Variants in NDST4 observed in about 807,000 individuals in gnomAD.
The protein encoded by NDST4 is N-heparan sulfate sulfotransferase 4.
In NDST4, 63 loss-of-function variants were observed where a neutral mutation model predicts 100.8. The observed-to-expected ratio is 0.62, with a 90% CI of 0.51 to 0.77. The LOEUF (loss-of-function observed/expected upper bound fraction) is 0.77. NDST4 is among the 30% of genes least tolerant of loss of function. The pLI is 0.00. For synonymous variants in NDST4, 377 were observed against 361.8 expected, an observed-to-expected ratio of 1.04 and a Z score of -0.48; for missense variants, 943 against 1,018.4, an observed-to-expected ratio of 0.93 and a Z score of 1.01.
chr4:114,931,551 T>C (rs887691354), intron 6 of NDST4, among the ~76,000 whole-genome samples: 8 of 151,286 alleles, frequency 5.3e-5, no homozygotes, highest in African/African-American at 1.9e-4. Flanking sequence ...AAATAGAAAA[T>C]ATCAATGAAA....
intron 12 of NDST4, among the ~76,000 whole-genome samples, chr4:114,832,828 T>C (rs1035129417): frequency 1.3e-5 from 2 of 152,082 alleles, no homozygotes; most frequent in African/African-American, 4.8e-5. Flanking sequence ...CACCACAAGG[T>C]GAGAAAGCCA....
At chr4:114,980,602 A>G (rs1726745336) in intron 2 of NDST4, among the ~76,000 whole-genome samples, 1 of 152,190 alleles carries the variant, frequency 6.6e-6, no homozygotes, top group Non-Finnish European at 1.5e-5. Context: ...AGATTGCGCA[A>G]TGGCACTCCA....
chr4:114,916,568 G>T (rs1484864003), intron 6 of NDST4, among the ~76,000 whole-genome samples: 3 of 148,752 alleles, frequency 2.0e-5, no homozygotes, highest in African/African-American at 7.4e-5. Flanking sequence ...GTGTGTGTGT[G>T]TGTGTGTGTG....
intron 4 of NDST4, among the ~76,000 whole-genome samples, chr4:114,951,896 T>C (rs1725997316): frequency 6.6e-6 from 1 of 152,140 alleles, no homozygotes; most frequent in Non-Finnish European, 1.5e-5. Context: ...TTGTATTTTG[T>C]GCACAGACCA....
intron 6 of NDST4, among the ~76,000 whole-genome samples, chr4:114,889,459 C>T (rs1244235256): frequency 6.6e-6 from 1 of 152,130 alleles, no homozygotes; most frequent in Non-Finnish European, 1.5e-5. Flanking sequence ...AGACCATGAT[C>T]ATAAAGTCTG....
chr4:115,017,157 A>G (rs778842250), intron 2 of NDST4, among the ~76,000 whole-genome samples: 2 of 152,104 alleles, frequency 1.3e-5, no homozygotes, highest in Non-Finnish European at 1.5e-5. Context: ...TCATTCAAAC[A>G]GAATGCACAT....
In NDST4 at chr4:114,935,281, T is replaced by C. The variant is rs942735770; in HGVS notation, c.1461A>G (p.Glu487=). The change falls in exon 6 of 14, where the codon GAA becomes GAG. Residue 487 remains glutamate, a synonymous_variant. Transcript: ENST00000264363. ...GLFTHTIFYK[E]YPGGPQELDK... is the part of the protein sequence containing the mutation. Reference sequence around the variant, plus strand: ...CCAGTTCTTGGGGTCCTCCTGGATATTCTTTGTAGAAAATAGTGTGAGTGA... The same window carrying C: ...CCAGTTCTTGGGGTCCTCCTGGATACTCTTTGTAGAAAATAGTGTGAGTGA... The C allele has an allele frequency of 2.5e-6, 4 of 1,611,112 alleles. No homozygotes were observed. Among genetic ancestry groups the C allele is most frequent in the Non-Finnish European group, 8.5e-7 (1 of 1,178,670 alleles).
chr4:114,925,937 G>A (rs1317849969), intron 6 of NDST4, among the ~76,000 whole-genome samples: 1 of 152,072 alleles, frequency 6.6e-6, no homozygotes, highest in Non-Finnish European at 1.5e-5. Flanking sequence ...ACTTATTGTG[G>A]AAACCATCTG....
chr4:114,907,240 A>G (rs1201987114), intron 6 of NDST4, among the ~76,000 whole-genome samples: 1 of 152,008 alleles, frequency 6.6e-6, no homozygotes, highest in African/African-American at 2.4e-5. Context: ...TTCACTGTAG[A>G]TGGAGAAAAT....
chr4:114,876,012 C>T (rs76247688), intron 6 of NDST4, among the ~76,000 whole-genome samples: 4 of 152,086 alleles, frequency 2.6e-5, no homozygotes, highest in Admixed American at 2.0e-4. Flanking sequence ...GGTACTTAGT[C>T]CTGTGCCTTA....
chr4:115,046,643 T>G (rs981244134), intron 2 of NDST4, among the ~76,000 whole-genome samples: 1 of 152,058 alleles, frequency 6.6e-6, no homozygotes, highest in African/African-American at 2.4e-5. Flanking sequence ...GTGTATCAGA[T>G]AGATGATAAG....
At chr4:114,848,141 C>T (rs1237160156) in intron 9 of NDST4, 74 bp downstream of exon 9, 1 of 1,253,886 alleles carries the variant, frequency 8.0e-7, no homozygotes, top group Non-Finnish European at 1.1e-6. Context: ...AGATGCCACA[C>T]ATACATCTGT....
intron 6 of NDST4, among the ~76,000 whole-genome samples, chr4:114,877,358 G>T (rs1724277069): frequency 6.6e-6 from 1 of 151,982 alleles, no homozygotes; most frequent in Admixed American, 6.6e-5. Context: ...AATAAAATTT[G>T]ATATTTCAAT....
At chr4:114,838,000 G>T (rs1193453035) in intron 11 of NDST4, among the ~76,000 whole-genome samples, 1 of 152,164 alleles carries the variant, frequency 6.6e-6, no homozygotes, top group Non-Finnish European at 1.5e-5. Context: ...TCATCAAGAA[G>T]TAGGCAAAGT....
chr4:114,963,337 CATGTA>C (rs1726305943), intron 4 of NDST4, among the ~76,000 whole-genome samples: 1 of 152,032 alleles, frequency 6.6e-6, no homozygotes, highest in South Asian at 2.1e-4. Flanking sequence ...TCAAAAAGAC[CATGTA>C]ATGTATGATT....
At chr4:114,967,896 C>T (rs1293227349) in intron 4 of NDST4, among the ~76,000 whole-genome samples, 3 of 152,010 alleles carry the variant, frequency 2.0e-5, no homozygotes, top group Admixed American at 6.6e-5. Context: ...GTGTGCCAGC[C>T]GCTGCTCTAA....
chr4:114,882,138 A>ATT lies in NDST4; in HGVS notation c.1537-11190_1537-11189dup, dbSNP rs35233146. On this transcript the variant is annotated intron_variant, in intron 6 of 13. Coordinates refer to ENST00000264363, the MANE Select transcript of NDST4 (RefSeq NM_022569.3). ...CCTCTCCTACTAATTATTTAGAAGG[A>ATT]TTTTTTTTTTTTTTTAGTTTTTAGT... Among the ~76,000 whole-genome samples the ATT allele has an allele frequency of 2.9e-4, 42 of 143,992 alleles. No homozygotes were observed. In the East Asian group the frequency reaches 3.7e-3, roughly 13 times the overall value. 94.5% of individuals were successfully genotyped at this position (143,992 alleles called of 152,430 possible).
intron 3 of NDST4, among the ~76,000 whole-genome samples, chr4:114,971,824 A>G (rs1726521305): frequency 6.6e-6 from 1 of 152,050 alleles, no homozygotes; most frequent in Non-Finnish European, 1.5e-5. Context: ...ATTTGGTGTC[A>G]CTCAGTACTT....
At chr4:114,935,118 A>G in intron 6 of NDST4, 88 bp downstream of exon 6, 1 of 1,062,156 alleles carries the variant, frequency 9.4e-7, no homozygotes, top group East Asian at 3.0e-5. Context: ...AATAAAGAAA[A>G]TAAATATGAT....
Sources: gnomAD v4.1 joint callset for allele counts (sites outside exome capture counted in the v4.1 genomes callset) on GRCh38, gnomAD v4.1.1 for gene constraint, MANE v1.5 for transcripts, NCBI Gene and HGNC (gene_info 2026-07-23, HGNC 2026-07-21) for gene names.